ESR2: variants seen among roughly 807,000 people sequenced by gnomAD.
ESR2 encodes the protein estrogen receptor 2, also known as estrogen receptor beta.
In ESR2, 36 loss-of-function variants were observed where a neutral mutation model predicts 49.6. The ratio of observed to expected loss-of-function variants is 0.73; its 90% CI spans 0.56 to 0.96. ESR2 has a LOEUF of 0.96. ESR2 is among the 40% of genes least tolerant of loss of function. ESR2 has a pLI of 0.00. For missense variants in ESR2, 714 were observed against 693.0 expected, an observed-to-expected ratio of 1.03 and a Z score of -0.34; for synonymous variants, 320 against 266.1, an observed-to-expected ratio of 1.20 and a Z score of -1.97.
chr14:64,304,915 A>G (rs2077070275), intron 1 of ESR2, among the ~76,000 whole-genome samples: 1 of 152,098 alleles, frequency 6.6e-6, no homozygotes, highest in South Asian at 2.1e-4. Context: ...ATAAAGTATT[A>G]AAATTTAAAA....
chr14:64,327,564 C>T (rs938013102), intron 1 of ESR2, among the ~76,000 whole-genome samples: 3 of 152,096 alleles, frequency 2.0e-5, no homozygotes, highest in South Asian at 2.1e-4. Context: ...GGTGTGGTGA[C>T]GGGCTCCTGT....
chr14:64,283,752 A>G (rs1596456249), intron 1 of ESR2, among the ~76,000 whole-genome samples: 3 of 131,304 alleles, frequency 2.3e-5, no homozygotes, highest in Admixed American at 1.5e-4. Context: ...TGTCTCAAAA[A>G]AAAAAAAAAA....
chr14:64,300,860 G>C (rs1478238692), intron 1 of ESR2, among the ~76,000 whole-genome samples: 3 of 152,128 alleles, frequency 2.0e-5, no homozygotes, highest in African/African-American at 7.2e-5. Flanking sequence ...TTGTGACAAT[G>C]CTCCCTTAAT....
At chr14:64,305,420 C>T (rs535152379) in intron 1 of ESR2, among the ~76,000 whole-genome samples, 226 of 152,142 alleles carry the variant, frequency 1.5e-3, no homozygotes, top group African/African-American at 5.2e-3. Flanking sequence ...CCTGTAATCC[C>T]AGCACTTTGG....
At chr14:64,242,590 GT>G (rs1188076193) in intron 7 of ESR2, among the ~76,000 whole-genome samples, 4 of 150,986 alleles carry the variant, frequency 2.6e-5, no homozygotes, top group Middle Eastern at 3.4e-3. Context: ...TTTTAATACA[GT>G]TTTGGATTCT....
chr14:64,265,711 G>C (rs1299536191), intron 4 of ESR2, among the ~76,000 whole-genome samples: 1 of 152,188 alleles, frequency 6.6e-6, no homozygotes, highest in East Asian at 1.9e-4. Context: ...CATCCATAAA[G>C]TTAGTCTAGG....
intron 1 of ESR2, among the ~76,000 whole-genome samples, chr14:64,327,383 A>G (rs2077402721): frequency 1.3e-5 from 2 of 151,446 alleles, no homozygotes; most frequent in Non-Finnish European, 2.9e-5. Context: ...CAACATGGTG[A>G]AACCCCATCT....
intron 6 of ESR2, 122 bp downstream of exon 6, chr14:64,257,103 GA>G: frequency 1.1e-6 from 1 of 873,658 alleles, no homozygotes. Flanking sequence ...AGGAGCTGAT[GA>G]TGCTATCATC....
At chr14:64,256,878 C>T (rs922356488) in intron 6 of ESR2, among the ~76,000 whole-genome samples, 7 of 152,104 alleles carry the variant, frequency 4.6e-5, no homozygotes, top group Non-Finnish European at 7.4e-5. Flanking sequence ...GTACAAAAAA[C>T]AGCAGGACAA....
chr14:64,250,944 A>C (rs1386896634), intron 6 of ESR2, among the ~76,000 whole-genome samples: 1 of 152,206 alleles, frequency 6.6e-6, no homozygotes, highest in African/African-American at 2.4e-5. Context: ...TGAGTTACTA[A>C]ATTTACTAAA....
At chr14:64,227,785 C>T, downstream of ESR2, 3 of 1,543,556 alleles carry the variant, frequency 1.9e-6, no homozygotes. Context: ...TCACTCAAAG[C>T]TCAGTGTATT....
chr14:64,259,294 C>T (rs1567751871), intron 5 of ESR2, among the ~76,000 whole-genome samples: 1 of 152,204 alleles, frequency 6.6e-6, no homozygotes, highest in African/African-American at 2.4e-5. Flanking sequence ...TCACCATAGG[C>T]CTCAGTTCCC....
intron 7 of ESR2, among the ~76,000 whole-genome samples, chr14:64,246,734 C>CAA (rs71123836): frequency 0.015 from 534 of 36,450 alleles, 70 homozygotes; most frequent in East Asian, 0.062. Flanking sequence ...AAGACTCTGT[C>CAA]AAAAAAAAAA....
chr14:64,231,316 A>G lies in ESR2; in HGVS notation c.*1821T>C, dbSNP rs2098727032. On this transcript the variant is annotated 3_prime_UTR_variant, in exon 9 of 9. Coordinates refer to ENST00000341099, the MANE Select transcript of ESR2 (RefSeq NM_001437.3). Reference sequence around the variant, plus strand: ...CTTACTTCCTACTCTCCAGCTTCCAAACCCCTCTATTGGGAGTGGGGGATT... The same window carrying G: ...CTTACTTCCTACTCTCCAGCTTCCAGACCCCTCTATTGGGAGTGGGGGATT... The G allele has an allele frequency of 1.3e-5, 2 of 152,200 alleles. No homozygotes were observed. Among genetic ancestry groups the G allele is most frequent in the Admixed American group, 6.5e-5 (1 of 15,280 alleles). The allele number at this position is 152,200 out of a possible 1,614,324, so 9.4% of individuals were successfully genotyped here. A position where few individuals can be genotyped will look rare whatever the true frequency, so the allele number is the denominator to read the frequency against.
intron 1 of ESR2, among the ~76,000 whole-genome samples, chr14:64,303,871 A>T (rs2077057787): frequency 1.3e-5 from 2 of 152,242 alleles, no homozygotes; most frequent in African/African-American, 4.8e-5. Flanking sequence ...ATATACTGAG[A>T]AAGACTGCCA....
intron 2 of ESR2, among the ~76,000 whole-genome samples, chr14:64,281,668 T>C (rs983497601): frequency 6.6e-6 from 1 of 152,198 alleles, no homozygotes; most frequent in African/African-American, 2.4e-5. Context: ...ATACTATCCA[T>C]TCCCTTCATA....
At chr14:64,227,386 G>T, downstream of ESR2, 4 of 795,256 alleles carry the variant, frequency 5.0e-6, no homozygotes, top group Non-Finnish European at 7.9e-6. Flanking sequence ...AGAAAGGAAG[G>T]TGGTTTTTAA....
In ESR2 at chr14:64,329,153, T is replaced by C. The variant is rs1210244041; in HGVS notation, c.-91+8745A>G. 2.0e-5 allele frequency among the ~76,000 whole-genome samples: 3 copies of C among 152,040 alleles called. No individual in the cohort carries two copies. In the East Asian group the frequency reaches 5.8e-4, roughly 29 times the overall value. ...ATCAGAAAGATGCCTTATGATACTGTGTGTGTAGATCACATGGTGAAAGAG... is the reference window on the plus strand; with the variant it reads ...ATCAGAAAGATGCCTTATGATACTGCGTGTGTAGATCACATGGTGAAAGAG... On this transcript the variant is annotated intron_variant, in intron 1 of 8. Transcript: ENST00000358599.
At chr14:64,234,815 C>A (rs2098730860) in intron 8 of ESR2, 155 bp downstream of exon 8, 1 of 1,434,034 alleles carries the variant, frequency 7.0e-7, no homozygotes, top group Admixed American at 2.5e-5. Flanking sequence ...CTGTGCCCAT[C>A]TTTGCTTACA....
Sources: gnomAD v4.1 joint callset for allele counts (sites outside exome capture counted in the v4.1 genomes callset) on GRCh38, gnomAD v4.1.1 for gene constraint, MANE v1.5 for transcripts, NCBI Gene and HGNC (gene_info 2026-07-23, HGNC 2026-07-21) for gene names.